ZFAND3: variants seen among roughly 807,000 people sequenced by gnomAD.
ZFAND3 encodes the protein AN1-type zinc finger protein 3.
In ZFAND3, 10 loss-of-function variants were observed where a neutral mutation model predicts 29.6. That is an observed-to-expected ratio of 0.34 (90% CI 0.21 to 0.57). ZFAND3 has a LOEUF of 0.57. Ranked by LOEUF, ZFAND3 falls within the 20% of genes least tolerant of loss-of-function variation. ZFAND3 has a pLI of 0.86. For missense variants in ZFAND3, 230 were observed against 304.5 expected (o/e 0.76, Z 1.82); for synonymous variants, 128 against 112.6 (o/e 1.14, Z -0.87).
intron 2 of ZFAND3, among the ~76,000 whole-genome samples, chr6:38,018,606 A>G (rs1371103825): frequency 6.6e-6 from 1 of 152,104 alleles, no homozygotes; most frequent in Non-Finnish European, 1.5e-5. Context: ...CTTGGAGGTC[A>G]TTTCGTATCG....
At chr6:38,131,435 A>G (rs1765739677) in intron 5 of ZFAND3, among the ~76,000 whole-genome samples, 1 of 152,222 alleles carries the variant, frequency 6.6e-6, no homozygotes, top group South Asian at 2.1e-4. Flanking sequence ...TCTTTAAGTA[A>G]TTTTAATGTA....
intron 2 of ZFAND3, among the ~76,000 whole-genome samples, chr6:38,009,635 G>C (rs1489195973): frequency 6.6e-6 from 1 of 152,122 alleles, no homozygotes; most frequent in Non-Finnish European, 1.5e-5. Flanking sequence ...AGTAGGTGTG[G>C]TTTAATTTAT....
chr6:37,882,921 A>G (rs902932116), intron 1 of ZFAND3, among the ~76,000 whole-genome samples: 3 of 152,194 alleles, frequency 2.0e-5, no homozygotes, highest in Non-Finnish European at 4.4e-5. Context: ...GTGTATGGCT[A>G]TATTTAAAAC....
chr6:37,924,587 C>T (rs1190561097), intron 1 of ZFAND3, among the ~76,000 whole-genome samples: 1 of 152,036 alleles, frequency 6.6e-6, no homozygotes, highest in Non-Finnish European at 1.5e-5. Flanking sequence ...GTAATCCCAG[C>T]ATTTTGGGAG....
chr6:38,101,209 G>A (rs114447021), intron 4 of ZFAND3, among the ~76,000 whole-genome samples: 124 of 152,282 alleles, frequency 8.1e-4, no homozygotes, highest in African/African-American at 2.8e-3. Context: ...CCTTGCTTCC[G>A]ATTTTTCAGC....
At chr6:38,060,025 C>T in intron 2 of ZFAND3, among the ~76,000 whole-genome samples, 1 of 152,248 alleles carries the variant, frequency 6.6e-6, no homozygotes, top group Admixed American at 6.5e-5. Context: ...GGTTTAAGTA[C>T]AGTTGGCCCT....
At chr6:37,910,502 A>G (rs1179000372) in intron 1 of ZFAND3, among the ~76,000 whole-genome samples, 2 of 152,186 alleles carry the variant, frequency 1.3e-5, no homozygotes, top group East Asian at 1.9e-4. Flanking sequence ...TAAATTGTGT[A>G]TGTTTATGGT....
chr6:37,977,306 A>C (rs1166731161), intron 2 of ZFAND3, among the ~76,000 whole-genome samples: 1 of 151,962 alleles, frequency 6.6e-6, no homozygotes, highest in East Asian at 1.9e-4. Flanking sequence ...TTATTTATGT[A>C]TTTATTTATT....
intron 1 of ZFAND3, among the ~76,000 whole-genome samples, chr6:37,832,057 G>T (rs1373889879): frequency 6.6e-6 from 1 of 152,192 alleles, no homozygotes; most frequent in African/African-American, 2.4e-5. Context: ...TGGCAATCTG[G>T]TGAAGTCGTG....
intron 1 of ZFAND3, among the ~76,000 whole-genome samples, chr6:37,828,824 G>A (rs1288188496): frequency 2.6e-5 from 4 of 151,968 alleles, no homozygotes; most frequent in African/African-American, 7.2e-5. Context: ...CTAATTTTTT[G>A]TATTTTTAGT....
chr6:37,823,807 G>T (rs547214134), intron 1 of ZFAND3, among the ~76,000 whole-genome samples: 116 of 151,662 alleles, frequency 7.6e-4, no homozygotes, highest in African/African-American at 2.6e-3. Flanking sequence ...TTTTTGGGGG[G>T]GGGTAGGAAG....
chr6:38,136,738 G>A (rs1160925074), intron 5 of ZFAND3, among the ~76,000 whole-genome samples: 2 of 152,188 alleles, frequency 1.3e-5, no homozygotes, highest in African/African-American at 4.8e-5. Context: ...GTGCACAGCA[G>A]GCCACTGTTC....
chr6:38,117,741 G>A (rs927175340), intron 5 of ZFAND3, among the ~76,000 whole-genome samples: 24 of 152,144 alleles, frequency 1.6e-4, no homozygotes, highest in African/African-American at 5.8e-4. Context: ...AAGTACTATT[G>A]CTGACAGTCA....
chr6:37,870,001 A>G (rs1421246222), intron 1 of ZFAND3, among the ~76,000 whole-genome samples: 1 of 151,902 alleles, frequency 6.6e-6, no homozygotes, highest in Non-Finnish European at 1.5e-5. Context: ...CTTTTCAGAT[A>G]TTGGCATTTA....
chr6:38,125,132 G>C (rs571119833), intron 5 of ZFAND3, among the ~76,000 whole-genome samples: 78 of 152,278 alleles, frequency 5.1e-4, no homozygotes, highest in Non-Finnish European at 6.5e-4. Flanking sequence ...GGCAAATTCT[G>C]AGAAAATTTT....
intron 5 of ZFAND3, among the ~76,000 whole-genome samples, chr6:38,133,179 TTATGA>T (rs1308099613): frequency 6.6e-6 from 1 of 152,240 alleles, no homozygotes; most frequent in Non-Finnish European, 1.5e-5. Context: ...TGGCCTCTGT[TTATGA>T]TATATGTCTC....
chr6:38,099,084 T>C (rs562331657), intron 4 of ZFAND3, among the ~76,000 whole-genome samples: 1 of 152,268 alleles, frequency 6.6e-6, no homozygotes, highest in African/African-American at 2.4e-5. Flanking sequence ...CTCTAAGCTT[T>C]TATACTAACA....
At chr6:37,851,729 A>G (rs535592619) in intron 1 of ZFAND3, among the ~76,000 whole-genome samples, 1 of 152,222 alleles carries the variant, frequency 6.6e-6, no homozygotes, top group Non-Finnish European at 1.5e-5. Context: ...AAGAGAGTTA[A>G]AATTGGAAAA....
At chr6:37,897,415 A>G (rs905805751) in intron 1 of ZFAND3, among the ~76,000 whole-genome samples, 1 of 152,172 alleles carries the variant, frequency 6.6e-6, no homozygotes, top group African/African-American at 2.4e-5. Context: ...GGATTTATTC[A>G]CTTGTGGGTA....
Sources: allele counts gnomAD v4.1 joint callset (sites outside exome capture counted in the v4.1 genomes callset), GRCh38; gene constraint gnomAD v4.1.1; transcripts MANE v1.5; gene names NCBI Gene and HGNC (gene_info 2026-07-23, HGNC 2026-07-21).